ZNG1B: variants seen among roughly 807,000 people sequenced by gnomAD.
ZNG1B encodes the protein zinc-regulated GTPase metalloprotein activator 1B.
At chr2:113,454,317 G>A in the ZNG1B span, among the ~76,000 whole-genome samples, 1 of 151,966 alleles carries the variant, frequency 6.6e-6, no homozygotes, top group Non-Finnish European at 1.5e-5. Flanking sequence ...TCATTCTTTC[G>A]GCAATAATTT....
At chr2:113,455,604 A>C in the ZNG1B span, 1 of 1,287,208 alleles carries the variant, frequency 7.8e-7, no homozygotes, top group Non-Finnish European at 1.0e-6. Flanking sequence ...CCACCCACTG[A>C]CCCGTTCCCA....
the ZNG1B span, among the ~76,000 whole-genome samples, chr2:113,473,126 T>A: frequency 6.6e-6 from 1 of 150,624 alleles, no homozygotes; most frequent in Admixed American, 6.6e-5. Flanking sequence ...GAGCATGGAA[T>A]GTTCTTCCAT....
chr2:113,456,188 T>C, the ZNG1B span, among the ~76,000 whole-genome samples: 9 of 152,026 alleles, frequency 5.9e-5, no homozygotes, highest in African/African-American at 1.9e-4. Context: ...AACTCCTTTT[T>C]TAGAGTTTAA....
the ZNG1B span, chr2:113,466,881 T>A: frequency 1.1e-6 from 1 of 896,116 alleles, no homozygotes; most frequent in Admixed American, 6.2e-5. Context: ...TGGCTAACAC[T>A]GTGAAACCCC....
At chr2:113,484,430 T>C in the ZNG1B span, among the ~76,000 whole-genome samples, 3 of 149,962 alleles carry the variant, frequency 2.0e-5, no homozygotes, top group Non-Finnish European at 4.5e-5. Flanking sequence ...TTTTATGACC[T>C]GCTTCAGGAG....
chr2:113,481,077 G>A, the ZNG1B span, among the ~76,000 whole-genome samples: 2 of 145,210 alleles, frequency 1.4e-5, no homozygotes, highest in African/African-American at 5.2e-5. Flanking sequence ...TTAAATGTTC[G>A]TTGTTAGATT....
At chr2:113,481,412 T>A in the ZNG1B span, 1 of 151,954 alleles carries the variant, frequency 6.6e-6, no homozygotes, top group Non-Finnish European at 1.5e-5. Context: ...AGAGACTCAT[T>A]CCCTCCAATA....
At chr2:113,448,628 G>A in the ZNG1B span, among the ~76,000 whole-genome samples, 1 of 151,818 alleles carries the variant, frequency 6.6e-6, no homozygotes, top group Non-Finnish European at 1.5e-5. Context: ...TTGCTGGCCG[G>A]GCTCGGTGGC....
chr2:113,465,737 T>C, the ZNG1B span: 1 of 972,632 alleles, frequency 1.0e-6, no homozygotes, highest in Non-Finnish European at 1.2e-6. Flanking sequence ...GTTATTTTAT[T>C]AAGCTCATTT....
At chr2:113,488,880 C>T in the ZNG1B span, among the ~76,000 whole-genome samples, 1 of 151,648 alleles carries the variant, frequency 6.6e-6, no homozygotes, top group Non-Finnish European at 1.5e-5. Flanking sequence ...GTTAAATGAC[C>T]AAACCTAAGA....
At chr2:113,453,302 G>T in the ZNG1B span, 2 of 1,533,496 alleles carry the variant, frequency 1.3e-6, no homozygotes, top group East Asian at 4.5e-5. Flanking sequence ...GGAGTGCATG[G>T]AGTGCAGTGG....
At chr2:113,471,215 A>G in the ZNG1B span, 2 of 1,420,886 alleles carry the variant, frequency 1.4e-6, no homozygotes, top group Non-Finnish European at 1.9e-6. Context: ...ATACAAGACC[A>G]TACTTAATGA....
chr2:113,460,820 C>G, the ZNG1B span: 1 of 1,542,876 alleles, frequency 6.5e-7, no homozygotes, highest in East Asian at 2.3e-5. Context: ...AAAACATAGT[C>G]AACGAAAATT....
the ZNG1B span, among the ~76,000 whole-genome samples, chr2:113,485,216 A>G: frequency 2.2e-5 from 3 of 138,754 alleles, no homozygotes; most frequent in Non-Finnish European, 3.1e-5. Flanking sequence ...GAAAAGAGCA[A>G]TACGGATGTT....
the ZNG1B span, among the ~76,000 whole-genome samples, chr2:113,476,618 C>T: frequency 6.7e-6 from 1 of 149,820 alleles, no homozygotes; most frequent in Non-Finnish European, 1.5e-5. Context: ...TCCAGTTTTT[C>T]TGCTCTGTTT....
chr2:113,472,621 T>C, the ZNG1B span, among the ~76,000 whole-genome samples: 8 of 152,112 alleles, frequency 5.3e-5, no homozygotes, highest in Non-Finnish European at 1.2e-4. Context: ...GGTTTTAGGT[T>C]GAACGTTTAA....
the ZNG1B span, among the ~76,000 whole-genome samples, chr2:113,483,644 C>T: frequency 2.0e-5 from 3 of 149,946 alleles, no homozygotes; most frequent in African/African-American, 4.9e-5. Flanking sequence ...AAAGTGAACC[C>T]CTTGTATGCA....
At chr2:113,487,843 C>T in the ZNG1B span, among the ~76,000 whole-genome samples, 1 of 151,348 alleles carries the variant, frequency 6.6e-6, no homozygotes, top group African/African-American at 2.4e-5. Flanking sequence ...AAAAGTCTCA[C>T]ATTTGCAAGT....
the ZNG1B span, among the ~76,000 whole-genome samples, chr2:113,476,474 CCTT>C: frequency 1.3e-5 from 2 of 149,938 alleles, no homozygotes. Context: ...TCGTCTGAAG[CCTT>C]CTTCTCTCAG....
Sources: gnomAD v4.1 joint callset for allele counts (sites outside exome capture counted in the v4.1 genomes callset) on GRCh38, gnomAD v4.1.1 for gene constraint, MANE v1.5 for transcripts, NCBI Gene and HGNC (gene_info 2026-07-23, HGNC 2026-07-21) for gene names.